The following UBE2W variants were observed in gnomAD, a reference collection of about 807,000 sequenced individuals.
UBE2W encodes ubiquitin conjugating enzyme E2 W.
A neutral mutation model predicts 27.2 loss-of-function variants in UBE2W; 18 were observed. The ratio of observed to expected loss-of-function variants is 0.66; its 90% CI spans 0.46 to 0.98. The LOEUF (loss-of-function observed/expected upper bound fraction) is 0.98. Among genes scored for constraint, UBE2W ranks in the 50% least tolerant of loss-of-function variants. The probability of loss-of-function intolerance (pLI) is 0.00; values close to 1 mark genes in which losing one functional copy is unlikely to be tolerated. For missense variants in UBE2W, 90 were observed against 180.2 expected, an observed-to-expected ratio of 0.50 and a Z score of 2.87; for synonymous variants, 53 against 57.2, an observed-to-expected ratio of 0.93 and a Z score of 0.33.
At chr8:73,806,430 T>C (rs1808909730) in intron 4 of UBE2W, among the ~76,000 whole-genome samples, 1 of 148,520 alleles carries the variant, frequency 6.7e-6, no homozygotes, top group Non-Finnish European at 1.5e-5. Flanking sequence ...CCAGGCGCGG[T>C]GGCTCACGCC....
Position 73,793,715 on chromosome 8 carries a change from T to TA in UBE2W, c.*386dup. The TA allele has an allele frequency of 1.0e-6, 1 of 1,001,450 alleles. No individual in the cohort carries two copies. The highest frequency in any genetic ancestry group is 1.2e-6 in the Non-Finnish European group (1 of 840,456). The allele number at this position is 1,001,450 out of a possible 1,614,324, so 62.0% of individuals were successfully genotyped here. ...GCATTAATCATTGAATGGCAGGAGTTAATGAAAACTTTTCCTGTTACAACG... is the reference window on the plus strand; with the variant it reads ...GCATTAATCATTGAATGGCAGGAGTTAAATGAAAACTTTTCCTGTTACAACG... On this transcript the variant is annotated 3_prime_UTR_variant, in exon 6 of 6. Transcript: ENST00000602593.
intron 1 of UBE2W, among the ~76,000 whole-genome samples, chr8:73,840,177 C>A (rs1417672829): frequency 2.6e-5 from 4 of 152,210 alleles, no homozygotes; most frequent in Admixed American, 1.3e-4. Context: ...CTGCCTCAGC[C>A]TCCTGAGTAG....
At chr8:73,813,080 C>CCA (rs1809228779) in intron 3 of UBE2W, among the ~76,000 whole-genome samples, 2 of 7,120 alleles carry the variant, frequency 2.8e-4, no homozygotes, top group South Asian at 0.019. Flanking sequence ...TCTGAAAGTG[C>CCA]CACAAAAAAA....
At chr8:73,851,480 A>G (rs1344682936) in intron 1 of UBE2W, among the ~76,000 whole-genome samples, 3 of 152,214 alleles carry the variant, frequency 2.0e-5, no homozygotes, top group Non-Finnish European at 4.4e-5. Context: ...CATTTTTAAA[A>G]ATTAAAATCA....
At chr8:73,838,405 T>C (rs990174519) in intron 1 of UBE2W, among the ~76,000 whole-genome samples, 2 of 152,108 alleles carry the variant, frequency 1.3e-5, no homozygotes, top group African/African-American at 4.8e-5. Context: ...ATCTCTACTC[T>C]AGATCACTAC....
chr8:73,815,875 T>C (rs375664070), intron 3 of UBE2W, among the ~76,000 whole-genome samples: 1 of 152,212 alleles, frequency 6.6e-6, no homozygotes. Flanking sequence ...TATTATAAGA[T>C]AGTATTTAAT....
At chr8:73,803,141 A>C (rs1015445669) in intron 5 of UBE2W, among the ~76,000 whole-genome samples, 1 of 151,950 alleles carries the variant, frequency 6.6e-6, no homozygotes, top group South Asian at 2.1e-4. Flanking sequence ...GCTTGAACCC[A>C]GGAGGCAGAG....
In UBE2W at chr8:73,830,125, C is replaced by T. The variant is rs972571261; in HGVS notation, c.107+256G>A. Among the ~76,000 whole-genome samples the T allele has an allele frequency of 4.0e-5, 6 of 151,382 alleles. No individual in the cohort carries two copies. The East Asian group carries it at 7.9e-4, about 20-fold the overall frequency. ...CACTTCATAAACAAAGTCAGTGCTA[C>T]TCAGTTAAACAAAATTTTTTAAAAA... On this transcript the variant is annotated intron_variant, in intron 2 of 5. Transcript: ENST00000602593.
At chr8:73,846,384 G>C (rs761666218) in intron 1 of UBE2W, among the ~76,000 whole-genome samples, 1 of 152,026 alleles carries the variant, frequency 6.6e-6, no homozygotes, top group Non-Finnish European at 1.5e-5. Flanking sequence ...CAACAAGAGC[G>C]AAACTCCATC....
chr8:73,822,602 CAAAAAAAAAAAAAAAAA>C (rs67427702), intron 3 of UBE2W, among the ~76,000 whole-genome samples: 63 of 51,228 alleles, frequency 1.2e-3, no homozygotes, highest in African/African-American at 3.3e-3. Flanking sequence ...CTTGCAACTG[CAAAAAAAAAAAAAAAAA>C]AAAAAAAAAA....
At chr8:73,794,883 A>G (rs1808347916) in intron 5 of UBE2W, among the ~76,000 whole-genome samples, 1 of 150,976 alleles carries the variant, frequency 6.6e-6, no homozygotes, top group Admixed American at 6.6e-5. Flanking sequence ...AAAAAAAAAA[A>G]GAAAATAAGC....
chr8:73,859,790 G>A (rs1238090088), intron 1 of UBE2W, among the ~76,000 whole-genome samples: 2 of 152,150 alleles, frequency 1.3e-5, no homozygotes, highest in African/African-American at 2.4e-5. Context: ...TGCAAAAGCT[G>A]TAACTATGTT....
intron 1 of UBE2W, among the ~76,000 whole-genome samples, chr8:73,855,924 G>A (rs1484435391): frequency 7.0e-6 from 1 of 142,884 alleles, no homozygotes; most frequent in Non-Finnish European, 1.5e-5. Context: ...AAGCTTTATT[G>A]AGAGTCTTTT....
intron 1 of UBE2W, among the ~76,000 whole-genome samples, chr8:73,863,625 G>T (rs1419422994): frequency 6.6e-6 from 1 of 151,898 alleles, no homozygotes; most frequent in Non-Finnish European, 1.5e-5. Flanking sequence ...AGGCATTGTG[G>T]TGAGTGCCTG....
chr8:73,847,747 C>T (rs1289501927), intron 1 of UBE2W, among the ~76,000 whole-genome samples: 3 of 151,690 alleles, frequency 2.0e-5, no homozygotes, highest in Admixed American at 2.0e-4. Flanking sequence ...ACTAAAAATA[C>T]AAAAATTAGC....
intron 2 of UBE2W, among the ~76,000 whole-genome samples, chr8:73,827,321 C>T (rs1026888135): frequency 1.3e-5 from 2 of 152,142 alleles, no homozygotes; most frequent in African/African-American, 4.8e-5. Flanking sequence ...TCAAGTGATT[C>T]TCCTGCCTCA....
intron 5 of UBE2W, among the ~76,000 whole-genome samples, 165 bp from the exon 6 acceptor site, chr8:73,794,280 A>G (rs1043731982): frequency 5.3e-5 from 8 of 152,252 alleles, no homozygotes; most frequent in Non-Finnish European, 1.2e-4. Flanking sequence ...TATATGTTCA[A>G]TTATACAGTG....
intron 1 of UBE2W, among the ~76,000 whole-genome samples, chr8:73,858,979 CGTGTGTGTGTGTGT>C (rs59095956): frequency 2.3e-4 from 29 of 126,026 alleles, no homozygotes; most frequent in South Asian, 5.7e-4. Context: ...GGGGTTTTTG[CGTGTGTGTGTGTGT>C]GTGTGTGTGT....
intron 5 of UBE2W, among the ~76,000 whole-genome samples, chr8:73,799,356 G>C (rs1256934590): frequency 1.3e-5 from 2 of 152,048 alleles, no homozygotes; most frequent in African/African-American, 4.8e-5. Flanking sequence ...ACAAATTTAA[G>C]CTGAGAGAGG....
Sources: gnomAD v4.1 joint callset for allele counts (sites outside exome capture counted in the v4.1 genomes callset) on GRCh38, gnomAD v4.1.1 for gene constraint, MANE v1.5 for transcripts, NCBI Gene and HGNC (gene_info 2026-07-23, HGNC 2026-07-21) for gene names.